ERBB4: variants seen among roughly 807,000 people sequenced by gnomAD.
ERBB4 encodes the protein erb-b2 receptor tyrosine kinase 4.
A neutral mutation model predicts 158.0 loss-of-function variants in ERBB4; 42 were observed. That is an observed-to-expected ratio of 0.27 (90% CI 0.21 to 0.34). The LOEUF (loss-of-function observed/expected upper bound fraction) is 0.34. Among genes scored for constraint, ERBB4 ranks in the 10% least tolerant of loss-of-function variants. ERBB4 has a pLI of 1.00. For missense variants in ERBB4, 1,333 were observed against 1,624.1 expected (o/e 0.82, Z 3.08); for synonymous variants, 583 against 558.7 (o/e 1.04, Z -0.61).
intron 2 of ERBB4, among the ~76,000 whole-genome samples, chr2:212,004,944 T>C (rs2076225034): frequency 6.6e-6 from 1 of 152,104 alleles, no homozygotes; most frequent in Non-Finnish European, 1.5e-5. Context: ...TAATTACCTT[T>C]CCCCCTATTT....
intron 2 of ERBB4, among the ~76,000 whole-genome samples, chr2:212,094,347 A>C (rs1332856276): frequency 1.4e-5 from 2 of 147,842 alleles, no homozygotes; most frequent in Non-Finnish European, 3.0e-5. Flanking sequence ...GCTCCTTTAA[A>C]TATGAATAGT....
At position 211,568,606 on chromosome 2, in the gene ERBB4, A is replaced by G. The variant is rs140899808; in HGVS notation, c.2302-6518T>C. Among the ~76,000 whole-genome samples the G allele has an allele frequency of 6.3e-3, 956 of 152,266 alleles. 8 individuals are homozygous for G. Among genetic ancestry groups the G allele is most frequent in the African/African-American group, 0.022 (900 of 41,546 alleles). Reference sequence around the variant, plus strand: ...AGCCAAACTCTGTTTCATTGTATCTATGGACCATTAATGCAATACCCTCCA... The same window carrying G: ...AGCCAAACTCTGTTTCATTGTATCTGTGGACCATTAATGCAATACCCTCCA... On this transcript the variant is annotated intron_variant, in intron 19 of 27. Coordinates refer to ENST00000342788, the MANE Select transcript of ERBB4 (RefSeq NM_005235.3).
intron 20 of ERBB4, among the ~76,000 whole-genome samples, chr2:211,478,723 C>T (rs1207542764): frequency 1.3e-5 from 2 of 151,742 alleles, no homozygotes; most frequent in Non-Finnish European, 2.9e-5. Flanking sequence ...AACATATCCC[C>T]TAATTCTTCA....
At chr2:212,338,132 C>T (rs2088533932) in intron 1 of ERBB4, among the ~76,000 whole-genome samples, 1 of 152,072 alleles carries the variant, frequency 6.6e-6, no homozygotes, top group African/African-American at 2.4e-5. Context: ...CTGAATTCTC[C>T]ATCCCAGTAC....
At chr2:211,561,480 C>T (rs113297035) in intron 20 of ERBB4, among the ~76,000 whole-genome samples, 15 of 152,304 alleles carry the variant, frequency 9.8e-5, no homozygotes, top group Admixed American at 3.3e-4. Context: ...TATATTTAGA[C>T]TTTGCTCATT....
At chr2:211,619,054 G>C in intron 19 of ERBB4, 123 bp downstream of exon 19, 1 of 682,352 alleles carries the variant, frequency 1.5e-6, no homozygotes, top group East Asian at 2.7e-5. Flanking sequence ...TTAATTATAA[G>C]ATTATAATAT....
At chr2:211,894,607 G>A (rs1382326680) in intron 3 of ERBB4, among the ~76,000 whole-genome samples, 1 of 152,030 alleles carries the variant, frequency 6.6e-6, no homozygotes, top group Non-Finnish European at 1.5e-5. Context: ...AATCACTAAT[G>A]AGCTGTCATG....
chr2:211,466,888 T>TTC (rs2064707027), intron 20 of ERBB4, among the ~76,000 whole-genome samples: 1 of 152,092 alleles, frequency 6.6e-6, no homozygotes, highest in South Asian at 2.1e-4. Flanking sequence ...TCTCTCTCTT[T>TTC]TCTCTCTCCA....
chr2:211,739,901 A>AT (rs1319439686), intron 5 of ERBB4, among the ~76,000 whole-genome samples: 1 of 152,218 alleles, frequency 6.6e-6, no homozygotes, highest in Admixed American at 6.5e-5. Flanking sequence ...GGGCATTTCT[A>AT]TCTTAGAATG....
At chr2:212,190,127 C>A (rs1422688173) in intron 1 of ERBB4, among the ~76,000 whole-genome samples, 3 of 147,842 alleles carry the variant, frequency 2.0e-5, no homozygotes, top group African/African-American at 7.3e-5. Context: ...GTTTTACTTA[C>A]TGAACTAGAA....
At chr2:211,946,576 C>CTCTTTTTT (rs1469968699) in intron 3 of ERBB4, among the ~76,000 whole-genome samples, 29 of 49,590 alleles carry the variant, frequency 5.8e-4, no homozygotes, top group East Asian at 5.3e-3. Flanking sequence ...AATTAGCTCT[C>CTCTTTTTT]TTTTTTTTTT....
At chr2:211,721,176 A>G (rs556193233) in intron 7 of ERBB4, among the ~76,000 whole-genome samples, 19 of 152,286 alleles carry the variant, frequency 1.2e-4, no homozygotes, top group African/African-American at 4.3e-4. Flanking sequence ...ACTGTGACCT[A>G]TCACACGAAG....
chr2:212,433,431 C>G (rs933519569), intron 1 of ERBB4, among the ~76,000 whole-genome samples: 1 of 151,854 alleles, frequency 6.6e-6, no homozygotes, highest in African/African-American at 2.4e-5. Flanking sequence ...ATTTCTCACC[C>G]CTGCAAAAAT....
At position 212,152,977 on chromosome 2, in the gene ERBB4, G is replaced by A. The variant is rs1454333120; in HGVS notation, c.83-28074C>T. ...TACTGCTGCTAATCTCACGGGAACA[G>A]GTCCCAGCAAAGGTAAGAGACACTT... is the stretch of plus-strand genomic sequence containing the variant. On this transcript the variant is annotated intron_variant, in intron 1 of 27. Transcript: ENST00000342788. Among the ~76,000 whole-genome samples, 7 of 152,286 alleles carry A rather than the reference G, an allele frequency of 4.6e-5. No individual in the cohort carries two copies. The East Asian group carries it at 1.4e-3, about 29-fold the overall frequency.
chr2:212,085,169 A>G (rs1351053369), intron 2 of ERBB4, among the ~76,000 whole-genome samples: 1 of 151,914 alleles, frequency 6.6e-6, no homozygotes, highest in South Asian at 2.1e-4. Context: ...AGCATCATCA[A>G]TCTCAATATT....
chr2:212,338,325 T>A (rs1227243195), intron 1 of ERBB4, among the ~76,000 whole-genome samples: 2 of 152,022 alleles, frequency 1.3e-5, no homozygotes, highest in African/African-American at 4.8e-5. Flanking sequence ...TGGCAGTAAG[T>A]TTTTTCCCAA....
At chr2:212,298,075 T>C (rs1330866948) in intron 1 of ERBB4, among the ~76,000 whole-genome samples, 3 of 151,842 alleles carry the variant, frequency 2.0e-5, no homozygotes, top group East Asian at 1.9e-4. Context: ...ATTATCTTAC[T>C]ACAATTTGTT....
At chr2:211,795,520 A>AT (rs1393922552) in intron 3 of ERBB4, among the ~76,000 whole-genome samples, 2 of 151,948 alleles carry the variant, frequency 1.3e-5, no homozygotes, top group Admixed American at 6.6e-5. Flanking sequence ...GAGTATAGAC[A>AT]TTTTTTTCTT....
chr2:211,390,086 T>C (rs1331579183), intron 25 of ERBB4, among the ~76,000 whole-genome samples: 1 of 152,200 alleles, frequency 6.6e-6, no homozygotes, highest in East Asian at 1.9e-4. Flanking sequence ...ATTTGTAATA[T>C]AGAGTGATAG....
Sources: gnomAD v4.1 joint callset for allele counts (sites outside exome capture counted in the v4.1 genomes callset) on GRCh38, gnomAD v4.1.1 for gene constraint, MANE v1.5 for transcripts, NCBI Gene and HGNC (gene_info 2026-07-23, HGNC 2026-07-21) for gene names.